The following ST6GALNAC5 variants were observed in gnomAD, a reference collection of about 807,000 sequenced individuals.
The protein encoded by ST6GALNAC5 is ST6 N-acetylgalactosaminide alpha-2,6-sialyltransferase 5, also known as alpha-N-acetylgalactosaminide alpha-2,6-sialyltransferase 5.
In ST6GALNAC5, 27 loss-of-function variants were observed where a neutral mutation model predicts 33.6. The ratio of observed to expected loss-of-function variants is 0.80; its 90% CI spans 0.59 to 1.11. The LOEUF (loss-of-function observed/expected upper bound fraction) is 1.11. Ranked by LOEUF, ST6GALNAC5 falls within the 50% of genes least tolerant of loss-of-function variation. The probability of loss-of-function intolerance (pLI) is 0.00; values close to 1 mark genes in which losing one functional copy is unlikely to be tolerated. For missense variants in ST6GALNAC5, 428 were observed against 454.0 expected (o/e 0.94, Z 0.52); for synonymous variants, 194 against 171.2 (o/e 1.13, Z -1.04).
At chr1:77,060,769 C>G (rs1488837360) in intron 4 of ST6GALNAC5, among the ~76,000 whole-genome samples, 1 of 152,000 alleles carries the variant, frequency 6.6e-6, no homozygotes, top group Non-Finnish European at 1.5e-5. Flanking sequence ...TTCCAATTGC[C>G]CCCTACTCCT....
At chr1:76,887,858 CT>C (rs1653931358) in intron 2 of ST6GALNAC5, among the ~76,000 whole-genome samples, 2 of 151,854 alleles carry the variant, frequency 1.3e-5, no homozygotes, top group African/African-American at 4.8e-5. Flanking sequence ...ATTTTTTTGG[CT>C]TTTTTCCTCC....
chr1:76,987,117 T>C (rs1649537084), intron 2 of ST6GALNAC5, among the ~76,000 whole-genome samples: 1 of 152,152 alleles, frequency 6.6e-6, no homozygotes, highest in African/African-American at 2.4e-5. Context: ...TGTATACCTA[T>C]GTATCAAACC....
At chr1:77,008,799 G>A (rs1354025095) in intron 2 of ST6GALNAC5, among the ~76,000 whole-genome samples, 1 of 152,124 alleles carries the variant, frequency 6.6e-6, no homozygotes, top group African/African-American at 2.4e-5. Context: ...CAAAGTGCTG[G>A]GATTACAGGC....
chr1:76,965,822 A>C (rs1252005965), intron 2 of ST6GALNAC5, among the ~76,000 whole-genome samples: 4 of 152,248 alleles, frequency 2.6e-5, no homozygotes. Context: ...AGCTTTCTAC[A>C]TATGGCTAGC....
intron 2 of ST6GALNAC5, among the ~76,000 whole-genome samples, chr1:76,966,255 G>C (rs140673403): frequency 8.0e-4 from 122 of 152,248 alleles, no homozygotes; most frequent in African/African-American, 2.9e-3. Context: ...TCTTCCATTT[G>C]TTTGTGTCCT....
rs1653950462 is a variant in ST6GALNAC5, at chr1:76,888,688, G to A, written c.261+19946G>A. On this transcript the variant is annotated intron_variant, in intron 2 of 4. Coordinates refer to ENST00000477717, the MANE Select transcript of ST6GALNAC5 (RefSeq NM_030965.3). ...CTTATTCCATTTTTAGCCTGTATTA[G>A]TTTAAAAATTAAATGCTTGATTTCT... Among the ~76,000 whole-genome samples the A allele has an allele frequency of 4.0e-5, 6 of 151,126 alleles. No individual in the cohort carries two copies. The South Asian group carries it at 1.3e-3, about 32-fold the overall frequency.
At chr1:76,924,646 C>T (rs1294029508) in intron 2 of ST6GALNAC5, among the ~76,000 whole-genome samples, 1 of 151,516 alleles carries the variant, frequency 6.6e-6, no homozygotes, top group Non-Finnish European at 1.5e-5. Context: ...ACCAAAGTTC[C>T]ATCTACACCA....
At position 77,044,278 on chromosome 1, in the gene ST6GALNAC5, C is replaced by T. The variant is rs775942254; in HGVS notation, c.336C>T (p.Ser112=). 6.2e-7 allele frequency: 1 copy of T among 1,613,964 alleles called. No homozygotes were observed. Among genetic ancestry groups the T allele is most frequent in the Non-Finnish European group, 8.5e-7 (1 of 1,180,018 alleles). The change falls in exon 3 of 5, where the codon TCC becomes TCT. Residue 112 remains serine (S), a synonymous_variant. Transcript: ENST00000477717. ...SGHLLHSRQG[S]QIDQTECVIR... is the part of the protein sequence containing the mutation. ...ATCTGCTGCACAGTCGGCAAGGCTC[C>T]CAGATTGACCAGACAGAGTGTGTCA...
intron 2 of ST6GALNAC5, among the ~76,000 whole-genome samples, chr1:76,982,049 TG>T (rs1396040970): frequency 6.6e-6 from 1 of 152,130 alleles, no homozygotes; most frequent in Non-Finnish European, 1.5e-5. Context: ...ACCACAAAGA[TG>T]GGGAGAAACC....
chr1:76,991,417 T>G (rs562165839), intron 2 of ST6GALNAC5, among the ~76,000 whole-genome samples: 3 of 152,332 alleles, frequency 2.0e-5, no homozygotes, highest in African/African-American at 7.2e-5. Flanking sequence ...ATTTGAATGC[T>G]AAGGCATAGG....
At position 76,991,051 on chromosome 1, in the gene ST6GALNAC5, G is replaced by A. The variant is rs139688337; in HGVS notation, c.262-53153G>A. Among the ~76,000 whole-genome samples, 151 of 152,208 alleles carry A rather than the reference G, an allele frequency of 9.9e-4. 1 individual carries two copies. The highest frequency in any genetic ancestry group is 3.6e-3 in the African/African-American group (150 of 41,520). ...TCACCCTCTCTGTGTCACCTTCTCA[G>A]CTCCTGCCAGTGCTTCTCATTGGCC... On this transcript the variant is annotated intron_variant, in intron 2 of 4. Transcript: ENST00000477717.
intron 2 of ST6GALNAC5, among the ~76,000 whole-genome samples, chr1:76,984,688 C>G (rs1248567492): frequency 6.6e-6 from 1 of 152,150 alleles, no homozygotes; most frequent in East Asian, 1.9e-4. Flanking sequence ...ATCCTGATAC[C>G]AAAGGCTGGC....
intron 2 of ST6GALNAC5, among the ~76,000 whole-genome samples, chr1:76,968,004 A>G (rs1414237710): frequency 1.3e-5 from 2 of 152,154 alleles, no homozygotes; most frequent in Non-Finnish European, 2.9e-5. Flanking sequence ...ACTTCCAACT[A>G]TGTGGTCAAG....
chr1:77,050,558 T>C (rs1037162015), intron 4 of ST6GALNAC5, among the ~76,000 whole-genome samples, 193 bp downstream of exon 4: 5 of 152,236 alleles, frequency 3.3e-5, no homozygotes, highest in African/African-American at 1.2e-4. Flanking sequence ...AGTTTTTGTT[T>C]GTACTGCTGG....
chr1:77,016,048 A>G (rs1271501596), intron 2 of ST6GALNAC5, among the ~76,000 whole-genome samples: 1 of 134,570 alleles, frequency 7.4e-6, no homozygotes, highest in African/African-American at 2.9e-5. Context: ...TTCCCCTCAA[A>G]TCTCCTTCAT....
chr1:76,930,804 G>A (rs1232415605), intron 2 of ST6GALNAC5, among the ~76,000 whole-genome samples: 1 of 152,106 alleles, frequency 6.6e-6, no homozygotes, highest in Admixed American at 6.6e-5. Context: ...ATTAACTAGA[G>A]AAGAGACACT....
At chr1:77,035,600 T>G (rs1651618316) in intron 2 of ST6GALNAC5, among the ~76,000 whole-genome samples, 1 of 152,068 alleles carries the variant, frequency 6.6e-6, no homozygotes, top group Admixed American at 6.5e-5. Context: ...TGGCACTTAT[T>G]TAGGGTGGAG....
intron 4 of ST6GALNAC5, among the ~76,000 whole-genome samples, chr1:77,059,500 G>A (rs1348363299): frequency 6.6e-6 from 1 of 152,156 alleles, no homozygotes; most frequent in Non-Finnish European, 1.5e-5. Context: ...GAAGCCATAG[G>A]CCCTTCCCAG....
At chr1:77,012,730 G>C (rs12758534) in intron 2 of ST6GALNAC5, among the ~76,000 whole-genome samples, 33,293 of 152,050 alleles carry the variant, frequency 0.22, 4,095 homozygotes, top group African/African-American at 0.31. Context: ...ATTTATAATA[G>C]AACTTTGGAT....
Sources: gnomAD v4.1 joint callset for allele counts (sites outside exome capture counted in the v4.1 genomes callset) on GRCh38, gnomAD v4.1.1 for gene constraint, MANE v1.5 for transcripts, NCBI Gene and HGNC (gene_info 2026-07-23, HGNC 2026-07-21) for gene names.